The following SYN3 variants were observed in gnomAD, a reference collection of about 807,000 sequenced individuals.
SYN3 encodes the protein synapsin-3.
In SYN3, 35 loss-of-function variants were observed where a neutral mutation model predicts 65.8. The ratio of observed to expected loss-of-function variants is 0.53; its 90% CI spans 0.41 to 0.70. The LOEUF is 0.70. SYN3 is among the 30% of genes least tolerant of loss of function. The probability of loss-of-function intolerance (pLI) is 0.00; values close to 1 mark genes in which losing one functional copy is unlikely to be tolerated. For synonymous variants in SYN3, 270 were observed against 292.9 expected, an observed-to-expected ratio of 0.92 and a Z score of 0.80; for missense variants, 680 against 749.0, an observed-to-expected ratio of 0.91 and a Z score of 1.08.
chr22:32,988,850 A>G (rs133922), intron 2 of SYN3, among the ~76,000 whole-genome samples: 150,725 of 152,218 alleles, frequency 0.99, 74,626 homozygotes, highest in East Asian at 1. Flanking sequence ...CCAGGAGAGA[A>G]ATGAATGTTC....
intron 6 of SYN3, among the ~76,000 whole-genome samples, chr22:32,654,409 C>T (rs990818533): frequency 6.6e-6 from 1 of 152,208 alleles, no homozygotes; most frequent in Non-Finnish European, 1.5e-5. Context: ...AAGTGATCCC[C>T]CAAATCAAGT....
intron 7 of SYN3, among the ~76,000 whole-genome samples, chr22:32,554,050 A>G (rs915010210): frequency 3.3e-5 from 5 of 152,150 alleles, no homozygotes; most frequent in Admixed American, 3.3e-4. Flanking sequence ...CCCCTTGCCC[A>G]GGCCAAATGT....
chr22:32,722,915 G>A (rs1486392604), intron 6 of SYN3, among the ~76,000 whole-genome samples: 1 of 152,198 alleles, frequency 6.6e-6, no homozygotes, highest in Non-Finnish European at 1.5e-5. Context: ...CCTATGTTAC[G>A]AGACTGCTTG....
At chr22:32,540,184 GA>G (rs1433315119) in intron 8 of SYN3, among the ~76,000 whole-genome samples, 3 of 152,206 alleles carry the variant, frequency 2.0e-5, no homozygotes, top group Non-Finnish European at 4.4e-5. Context: ...GCCCTCTACA[GA>G]AAAAGTTTGC....
rs1055049454 is a variant in SYN3, at chr22:32,743,151, C to A, written c.711+121764G>T. On this transcript the variant is annotated intron_variant, in intron 6 of 13. Coordinates refer to ENST00000358763, the MANE Select transcript of SYN3 (RefSeq NM_003490.4). ...TTTTTAACACTAGCTATTTCAGTTA[C>A]CCCCTGAGTGAGTATAAATGTATGA... 2.0e-5 allele frequency among the ~76,000 whole-genome samples: 3 copies of A among 152,258 alleles called. No individual in the cohort carries two copies. In the South Asian group the frequency reaches 6.2e-4, roughly 32 times the overall value.
intron 9 of SYN3, among the ~76,000 whole-genome samples, chr22:32,535,885 A>C (rs1169053683): frequency 6.6e-6 from 1 of 152,146 alleles, no homozygotes; most frequent in Non-Finnish European, 1.5e-5. Flanking sequence ...CAGGCGAGCC[A>C]GTGGAGGGCG....
chr22:32,988,975 T>C (rs1162098244), intron 2 of SYN3, among the ~76,000 whole-genome samples: 1 of 146,620 alleles, frequency 6.8e-6, no homozygotes, highest in African/African-American at 2.5e-5. Flanking sequence ...CTTCCGTAGA[T>C]GGGGATAAGA....
chr22:32,621,228 G>C (rs1183754836), intron 6 of SYN3, among the ~76,000 whole-genome samples: 2 of 151,924 alleles, frequency 1.3e-5, no homozygotes, highest in Non-Finnish European at 2.9e-5. Context: ...TGGTACTGCA[G>C]CTTTAGGAGG....
intron 4 of SYN3, among the ~76,000 whole-genome samples, chr22:32,877,678 T>C (rs1209809228): frequency 1.3e-5 from 2 of 152,124 alleles, no homozygotes; most frequent in African/African-American, 4.8e-5. Flanking sequence ...GTGGCTTCTG[T>C]GGCATGATCA....
intron 6 of SYN3, among the ~76,000 whole-genome samples, chr22:32,740,109 G>A (rs558012416): frequency 6.6e-6 from 1 of 152,348 alleles, no homozygotes; most frequent in Non-Finnish European, 1.5e-5. Flanking sequence ...AAGATTCAGG[G>A]GACCTGAGAA....
At chr22:32,737,098 C>A (rs2061345013) in intron 6 of SYN3, among the ~76,000 whole-genome samples, 1 of 152,092 alleles carries the variant, frequency 6.6e-6, no homozygotes, top group African/African-American at 2.4e-5. Flanking sequence ...CGGTGTAGAC[C>A]CAAAGGGCCA....
chr22:32,982,810 C>G (rs144885313), intron 2 of SYN3, among the ~76,000 whole-genome samples: 86 of 152,288 alleles, frequency 5.6e-4, no homozygotes, highest in African/African-American at 1.8e-3. Context: ...GTGCTAGAAA[C>G]TCTGCTATAG....
chr22:32,648,497 G>A (rs183748261), intron 6 of SYN3, among the ~76,000 whole-genome samples: 37 of 152,194 alleles, frequency 2.4e-4, no homozygotes, highest in Admixed American at 1.5e-3. Flanking sequence ...ACCAACGATT[G>A]AAGTTTGGGA....
chr22:32,713,589 G>A lies in SYN3; in HGVS notation c.712-116853C>T, dbSNP rs540806683. 2.6e-5 allele frequency among the ~76,000 whole-genome samples: 4 copies of A among 152,304 alleles called. No individual in the cohort carries two copies. The East Asian group carries it at 7.7e-4, about 29-fold the overall frequency. ...CTCACGCCTGTAATCCCAGCACTTT[G>A]GGAGGCCGAGGCGGGCGGATCACAA... is the stretch of plus-strand genomic sequence containing the variant. On this transcript the variant is annotated intron_variant, in intron 6 of 13. Transcript: ENST00000358763.
intron 6 of SYN3, among the ~76,000 whole-genome samples, chr22:32,616,754 C>G (rs146245993): frequency 6.6e-6 from 1 of 152,128 alleles, no homozygotes; most frequent in Non-Finnish European, 1.5e-5. Flanking sequence ...AGGAGAATTA[C>G]GAAGAAAAAA....
At chr22:32,913,133 G>C (rs1264147063) in intron 4 of SYN3, among the ~76,000 whole-genome samples, 1 of 151,924 alleles carries the variant, frequency 6.6e-6, no homozygotes, top group Non-Finnish European at 1.5e-5. Context: ...GCCATGAACT[G>C]AAAACTGCTC....
At chr22:32,825,600 G>A (rs548234993) in intron 6 of SYN3, among the ~76,000 whole-genome samples, 1 of 133,892 alleles carries the variant, frequency 7.5e-6, no homozygotes, top group East Asian at 2.5e-4. Context: ...AGAGGTTGCA[G>A]TGAGCCGAGA....
intron 4 of SYN3, among the ~76,000 whole-genome samples, chr22:32,891,366 C>A (rs888582836): frequency 2.6e-5 from 4 of 152,124 alleles, no homozygotes; most frequent in African/African-American, 9.7e-5. Flanking sequence ...GTGCTGAGCC[C>A]TGATGGATTT....
intron 1 of SYN3, among the ~76,000 whole-genome samples, chr22:33,015,873 C>G (rs2053457041): frequency 6.8e-6 from 1 of 146,012 alleles, no homozygotes; most frequent in Non-Finnish European, 1.5e-5. Flanking sequence ...GACAGTTACA[C>G]TCTTGTTGCC....
Sources: gnomAD v4.1 joint callset for allele counts (sites outside exome capture counted in the v4.1 genomes callset) on GRCh38, gnomAD v4.1.1 for gene constraint, MANE v1.5 for transcripts, NCBI Gene and HGNC (gene_info 2026-07-23, HGNC 2026-07-21) for gene names.